The following NOP53 variants were observed in gnomAD, a reference collection of about 807,000 sequenced individuals.
The protein encoded by NOP53 is ribosome biogenesis protein NOP53.
In NOP53, 40 loss-of-function variants were observed where a neutral mutation model predicts 61.0. The observed-to-expected ratio is 0.66, with a 90% CI of 0.51 to 0.85. The LOEUF (loss-of-function observed/expected upper bound fraction) is 0.85. NOP53 is among the 40% of genes least tolerant of loss of function. NOP53 has a pLI of 0.00. For synonymous variants in NOP53, 308 were observed against 289.5 expected (o/e 1.06, Z -0.65); for missense variants, 689 against 652.9 (o/e 1.06, Z -0.60).
chr19:47,747,832 G>A (rs1264070534), intron 2 of NOP53, among the ~76,000 whole-genome samples: 2 of 123,596 alleles, frequency 1.6e-5, no homozygotes, highest in Non-Finnish European at 3.2e-5. Context: ...CCAGGCTGGA[G>A]TGCAATGGCG....
chr19:47,746,844 C>T, intron 1 of NOP53, 123 bp from the exon 2 acceptor site: 1 of 768,068 alleles, frequency 1.3e-6, no homozygotes, highest in Non-Finnish European at 2.2e-6. Context: ...CTGGGCGAAG[C>T]CTTAGCCTGG....
At position 47,755,403 on chromosome 19, in the gene NOP53, G is replaced by A. The variant is rs370561439; in HGVS notation, c.1109G>A (p.Arg370Gln). ...CGGCTCCGGCACCAGGAGCTGTTCCGGCTGCGCGGGATCAAGGCCCAGGTG... is the reference window on the plus strand; with the variant it reads ...CGGCTCCGGCACCAGGAGCTGTTCCAGCTGCGCGGGATCAAGGCCCAGGTG... ...AARLRHQELF[R>Q]LRGIKAQVAL... Residue 370 changes from arginine (R) to glutamine (Q), a missense_variant, in exon 9 of 13, where the codon CGG (arginine) becomes CAG (glutamine). By Grantham distance (43) the Arg-to-Gln change is conservative (BLOSUM62 1). Transcript: ENST00000246802. The A allele has an allele frequency of 5.1e-4, 775 of 1,532,934 alleles. No individual in the cohort carries two copies. The highest frequency in any genetic ancestry group is 5.7e-4 in the African/African-American group (40 of 70,682). 95.0% of individuals were successfully genotyped at this position (1,532,934 alleles called of 1,614,324 possible).
rs1257976234 is a variant in NOP53, at chr19:47,755,386, G to A, written c.1092G>A (p.Arg364=). 7 of 1,526,536 alleles carry A rather than the reference G, an allele frequency of 4.6e-6. No individual in the cohort carries two copies. The highest frequency in any genetic ancestry group is 6.1e-6 in the Non-Finnish European group (7 of 1,142,484). The allele number at this position is 1,526,536 out of a possible 1,614,324, so 94.6% of individuals were successfully genotyped here. Residue 364 remains arginine, a synonymous_variant, in exon 9 of 13, where the codon CGG becomes CGA. Transcript: ENST00000246802. ...CCGCGTTGCGGGCCGCCCGGCTCCG[G>A]CACCAGGAGCTGTTCCGGCTGCGCG... ...QQAALRAARL[R]HQELFRLRGI... is the part of the protein sequence containing the mutation.
chr19:47,749,287 G>A (rs991149713), intron 2 of NOP53, among the ~76,000 whole-genome samples: 4 of 152,156 alleles, frequency 2.6e-5, no homozygotes, highest in Admixed American at 6.6e-5. Flanking sequence ...AGTAGTTACC[G>A]GCGTGCTTTG....
chr19:47,749,969 C>T (rs1411855640), intron 2 of NOP53, among the ~76,000 whole-genome samples: 5 of 152,092 alleles, frequency 3.3e-5, no homozygotes, highest in Non-Finnish European at 7.4e-5. Flanking sequence ...TCCTGCTGGC[C>T]CAGCACTTGG....
In NOP53 at chr19:47,757,029, G is replaced by A. The variant is rs372634116; in HGVS notation, c.*24G>A. 3.3e-5 allele frequency: 54 copies of A among 1,612,680 alleles called. No individual in the cohort carries two copies. Among genetic ancestry groups the A allele is most frequent in the African/African-American group, 6.7e-5 (5 of 74,872 alleles). ...AGCTGCCATCAGATGCCGGAGACTC[G>A]CCCTTCAATAAAAAATCTCTTCTAG... On this transcript the variant is annotated 3_prime_UTR_variant, in exon 13 of 13. Coordinates refer to ENST00000246802, the MANE Select transcript of NOP53 (RefSeq NM_015710.5).
In NOP53 at chr19:47,754,951, C is replaced by G; in HGVS notation, c.1053+60C>G. The G allele has an allele frequency of 7.1e-7, 1 of 1,415,306 alleles. No individual in the cohort carries two copies. The highest frequency in any genetic ancestry group is 1.4e-5 in the South Asian group (1 of 70,526). The allele number at this position is 1,415,306 out of a possible 1,614,324, so 87.7% of individuals were successfully genotyped here. A position where few individuals can be genotyped will look rare whatever the true frequency, so the allele number is the denominator to read the frequency against. On this transcript the variant is annotated intron_variant, in intron 8 of 12. Transcript: ENST00000246802. The surrounding 1 kb of genome is among the most constrained non-coding windows in gnomAD (Gnocchi z 4.2). Reference sequence around the variant, plus strand: ...GCCTCGCCCCCTTCCTTCCTTCCTCCCACCATGGGCTGCCCTGGGTGCTGC... The same window carrying G: ...GCCTCGCCCCCTTCCTTCCTTCCTCGCACCATGGGCTGCCCTGGGTGCTGC...
chr19:47,755,135 G>A lies in NOP53; in HGVS notation c.1054-213G>A. Among the ~76,000 whole-genome samples the A allele has an allele frequency of 2.0e-5, 3 of 152,128 alleles. 1 individual carries two copies. In the East Asian group the frequency reaches 5.8e-4, roughly 30 times the overall value. ...CTGTTTGAGGGGCGGGGTGGGGGGA[G>A]GTTTCTGCACCGCAGACCAGGGGAG... On this transcript the variant is annotated intron_variant, in intron 8 of 12. Coordinates refer to ENST00000246802, the MANE Select transcript of NOP53 (RefSeq NM_015710.5).
chr19:47,749,952 G>A (rs540809255), intron 2 of NOP53, among the ~76,000 whole-genome samples: 28 of 152,264 alleles, frequency 1.8e-4, no homozygotes, highest in African/African-American at 6.5e-4. Flanking sequence ...CCAGCATGGG[G>A]CCTGCCTCCT....
chr19:47,750,761 TC>T, intron 3 of NOP53, 146 bp from the exon 4 acceptor site: 1 of 692,676 alleles, frequency 1.4e-6, no homozygotes, highest in Non-Finnish European at 2.5e-6. Context: ...GGAGAGGAGT[TC>T]TCTGAAGAGG....
chr19:47,745,838 G>A, intron 1 of NOP53, 55 bp downstream of exon 1: 1 of 997,672 alleles, frequency 1.0e-6, no homozygotes, highest in East Asian at 5.1e-5. Context: ...CAGGTGCAAG[G>A]CCAGGCGTGC....
chr19:47,747,622 T>G (rs1967079921), intron 2 of NOP53, among the ~76,000 whole-genome samples: 1 of 150,444 alleles, frequency 6.6e-6, no homozygotes, highest in South Asian at 2.2e-4. Context: ...AGCCTGGGAT[T>G]ACTATTATTT....
chr19:47,748,524 G>A (rs1034308818), intron 2 of NOP53, among the ~76,000 whole-genome samples: 7 of 152,140 alleles, frequency 4.6e-5, no homozygotes, highest in African/African-American at 9.7e-5. Context: ...GAAAATGAGC[G>A]GACCTGGTTC....
At chr19:47,750,132 A>G (rs56293449) in intron 2 of NOP53, 46 bp from the exon 3 acceptor site, 4 of 1,231,062 alleles carry the variant, frequency 3.2e-6, no homozygotes, top group Non-Finnish European at 4.8e-6. Context: ...GGTCTTTGGC[A>G]GTGGGTAGGG....
chr19:47,745,954 G>T, intron 1 of NOP53, 171 bp downstream of exon 1: 1 of 565,006 alleles, frequency 1.8e-6, no homozygotes. Flanking sequence ...CTCAGCATGG[G>T]AAGCTGGAGA....
chr19:47,748,013 C>G (rs1967084905), intron 2 of NOP53, among the ~76,000 whole-genome samples: 1 of 151,906 alleles, frequency 6.6e-6, no homozygotes, highest in Admixed American at 6.6e-5. Flanking sequence ...CTCCTGACCT[C>G]AGGTGATCCG....
rs889336321 is a variant in NOP53 at position 47,755,377 on chromosome 19, C to A, written c.1083C>A (p.Ala361=). 4 of 1,522,970 alleles carry A rather than the reference C, an allele frequency of 2.6e-6. No individual in the cohort carries two copies. In the African/African-American group the frequency reaches 5.8e-5, roughly 22 times the overall value. 94.3% of individuals were successfully genotyped at this position (1,522,970 alleles called of 1,614,324 possible). A position where few individuals can be genotyped will look rare whatever the true frequency, so the allele number is the denominator to read the frequency against. The change falls in exon 9 of 13, where the codon GCC becomes GCA. Residue 361 remains alanine, a synonymous_variant. Coordinates refer to ENST00000246802, the MANE Select transcript of NOP53 (RefSeq NM_015710.5). ...LRVQQAALRA[A]RLRHQELFRL... ...TACAGCAGGCCGCGTTGCGGGCCGC[C>A]CGGCTCCGGCACCAGGAGCTGTTCC...
chr19:47,749,003 A>G (rs1372989136), intron 2 of NOP53, among the ~76,000 whole-genome samples: 1 of 152,090 alleles, frequency 6.6e-6, no homozygotes, highest in Non-Finnish European at 1.5e-5. Flanking sequence ...CTTTACTAAG[A>G]GTACAAAATT....
intron 2 of NOP53, among the ~76,000 whole-genome samples, chr19:47,747,415 G>A (rs1264414005): frequency 6.8e-6 from 1 of 146,776 alleles, no homozygotes; most frequent in Non-Finnish European, 1.5e-5. Flanking sequence ...GCTCAGGCAG[G>A]CAGATCACCT....
Sources: allele counts gnomAD v4.1 joint callset (sites outside exome capture counted in the v4.1 genomes callset), GRCh38; gene constraint gnomAD v4.1.1; non-coding constraint Gnocchi (gnomAD v3.1); transcripts MANE v1.5; gene names NCBI Gene and HGNC (gene_info 2026-07-23, HGNC 2026-07-21).